Variants in COL14A1 observed in about 807,000 individuals in gnomAD.
COL14A1 encodes the protein collagen alpha-1(XIV) chain.
COL14A1 carries 136 observed loss-of-function variants against 230.3 expected under a neutral mutation model. The observed-to-expected ratio is 0.59, with a 90% CI of 0.51 to 0.68. The LOEUF is 0.68. COL14A1 is among the 30% of genes least tolerant of loss of function. COL14A1 has a pLI of 0.00. For missense variants in COL14A1, 1,976 were observed against 2,215.8 expected (o/e 0.89, Z 2.17); for synonymous variants, 792 against 784.1 (o/e 1.01, Z -0.17).
chr8:120,137,885 G>T (rs756645044), intron 1 of COL14A1, among the ~76,000 whole-genome samples: 2 of 151,660 alleles, frequency 1.3e-5, no homozygotes, highest in East Asian at 3.9e-4. Flanking sequence ...TGGGATTATG[G>T]GTGTGAGTCA....
intron 24 of COL14A1, among the ~76,000 whole-genome samples, chr8:120,265,879 A>G (rs551258968): frequency 4.2e-4 from 64 of 152,128 alleles, no homozygotes; most frequent in Non-Finnish European, 8.2e-4. Flanking sequence ...CTGACAATGA[A>G]GAAACTAAAC....
At chr8:120,269,918 TC>T in intron 25 of COL14A1, 116 bp from the exon 26 acceptor site, 1 of 1,063,810 alleles carries the variant, frequency 9.4e-7, no homozygotes. Flanking sequence ...GAAGTTTATA[TC>T]TTTCCTTTGA....
intron 42 of COL14A1, among the ~76,000 whole-genome samples, chr8:120,333,721 T>C (rs1821949589): frequency 6.6e-6 from 1 of 152,250 alleles, no homozygotes; most frequent in South Asian, 2.1e-4. Flanking sequence ...GGTGTCGGTA[T>C]TTCCTTTCTG....
intron 40 of COL14A1, among the ~76,000 whole-genome samples, chr8:120,328,881 C>T (rs557173107): frequency 1.6e-4 from 25 of 152,304 alleles, no homozygotes; most frequent in Admixed American, 9.1e-4. Flanking sequence ...CCTCTGGACA[C>T]AGCCGAGCAG....
At chr8:120,334,208 C>G (rs1821972815) in intron 42 of COL14A1, among the ~76,000 whole-genome samples, 2 of 152,156 alleles carry the variant, frequency 1.3e-5, no homozygotes, top group South Asian at 4.1e-4. Flanking sequence ...TCCTCAGAAT[C>G]CTTTTCTGGG....
chr8:120,213,901 T>C (rs948042429), intron 13 of COL14A1: 3 of 395,078 alleles, frequency 7.6e-6, no homozygotes, highest in Non-Finnish European at 1.5e-5. Context: ...CTTAATTATA[T>C]TGCTTTTTTT....
Position 120,263,349 on chromosome 8 carries a change from G to A in COL14A1, c.3016+335G>A, listed in dbSNP as rs558648137. ...GGAGTGTGAAATGCAGTTTGAGGAC[G>A]ACTTGGCTCTGACATTAAAACAATG... is the stretch of plus-strand genomic sequence containing the variant. On this transcript the variant is annotated intron_variant, in intron 24 of 47. Transcript: ENST00000297848. Among the ~76,000 whole-genome samples, 11 of 152,258 alleles carry A rather than the reference G, an allele frequency of 7.2e-5. No individual in the cohort carries two copies. The East Asian group carries it at 7.7e-4, about 11-fold the overall frequency.
At position 120,334,924 on chromosome 8, in the gene COL14A1, C is replaced by T. The variant is rs535157004; in HGVS notation, c.4785+2189C>T. On this transcript the variant is annotated intron_variant, in intron 42 of 47. Coordinates refer to ENST00000297848, the MANE Select transcript of COL14A1 (RefSeq NM_021110.4). ...GGACATGAAAGGCTTTGAGGCATCC[C>T]GAAGTGAAATTAGAAAACACCCAAA... Among the ~76,000 whole-genome samples, 28 of 152,236 alleles carry T rather than the reference C, an allele frequency of 1.8e-4. No homozygotes were observed. The South Asian group carries it at 3.1e-3, about 17-fold the overall frequency.
intron 40 of COL14A1, among the ~76,000 whole-genome samples, chr8:120,329,690 G>A (rs1290691208): frequency 6.6e-6 from 1 of 152,168 alleles, no homozygotes; most frequent in Non-Finnish European, 1.5e-5. Context: ...GTGTATGTGT[G>A]TGTGCAAAGT....
chr8:120,136,739 A>G (rs1047396892), intron 1 of COL14A1, among the ~76,000 whole-genome samples: 13 of 151,884 alleles, frequency 8.6e-5, no homozygotes, highest in African/African-American at 3.1e-4. Context: ...TGAGGTGGGC[A>G]GATCACTTGA....
At chr8:120,166,784 A>G (rs138364853) in intron 4 of COL14A1, among the ~76,000 whole-genome samples, 89 of 152,242 alleles carry the variant, frequency 5.8e-4, no homozygotes, top group African/African-American at 2.0e-3. Context: ...AGTAATAGAG[A>G]AAGAGCCCAA....
chr8:120,259,773 G>T (rs185387518), intron 23 of COL14A1, among the ~76,000 whole-genome samples: 1 of 152,112 alleles, frequency 6.6e-6, no homozygotes, highest in African/African-American at 2.4e-5. Context: ...GAGAGTCCCC[G>T]GAAGGTTTGT....
intron 34 of COL14A1, among the ~76,000 whole-genome samples, chr8:120,294,976 A>C (rs1047876768): frequency 1.3e-5 from 2 of 151,878 alleles, no homozygotes; most frequent in Non-Finnish European, 3.0e-5. Flanking sequence ...AAAGGTTTGT[A>C]ATGTAGACAT....
chr8:120,350,071 G>A (rs1369692256), intron 45 of COL14A1, among the ~76,000 whole-genome samples: 5 of 147,968 alleles, frequency 3.4e-5, no homozygotes, highest in Admixed American at 6.7e-5. Context: ...AAGAGAGTGG[G>A]GGCCAATATT....
Position 120,231,571 on chromosome 8 carries a change from A to G in COL14A1, c.2302A>G (p.Thr768Ala). The change falls in exon 19 of 48, where the codon ACC (threonine) becomes GCC (alanine). Residue 768 changes from threonine to alanine, a missense_variant. Around this residue, in one of 3 missense-constraint regions of COL14A1, gnomAD observed 1,791 missense variants for 2,019.5 expected, o/e 0.89. Coordinates refer to ENST00000297848, the MANE Select transcript of COL14A1 (RefSeq NM_021110.4). ...SDSDVQQFRV[T>A]YMTAQGDPEE... ...CAGCGATGTGCAGCAGTTTAGGGTGACCTACATGACAGCTCAAGGGGACCC... is the reference window on the plus strand; with the variant it reads ...CAGCGATGTGCAGCAGTTTAGGGTGGCCTACATGACAGCTCAAGGGGACCC... 2 of 1,614,066 alleles carry G rather than the reference A, an allele frequency of 1.2e-6. No homozygotes were observed. Among genetic ancestry groups the G allele is most frequent in the Non-Finnish European group, 1.7e-6 (2 of 1,179,994 alleles).
At chr8:120,209,733 A>T (rs759590872) in intron 11 of COL14A1, 23 bp from the exon 12 acceptor site, 1 of 1,596,262 alleles carries the variant, frequency 6.3e-7, no homozygotes, top group East Asian at 2.2e-5. Context: ...GTGGCTCAAC[A>T]TTTAAAAAAA....
rs186482902 is a variant in COL14A1, at chr8:120,267,873, G to A, written c.3073+990G>A. 4.6e-5 allele frequency among the ~76,000 whole-genome samples: 7 copies of A among 151,944 alleles called. No individual in the cohort carries two copies. In the East Asian group the frequency reaches 9.7e-4, roughly 21 times the overall value. ...TAAGAATGATAACTTTGGTGAAATAGGGAGGATGGACTAGAAGAATGAGAG... is the reference window on the plus strand; with the variant it reads ...TAAGAATGATAACTTTGGTGAAATAAGGAGGATGGACTAGAAGAATGAGAG... On this transcript the variant is annotated intron_variant, in intron 25 of 47. Coordinates refer to ENST00000297848, the MANE Select transcript of COL14A1 (RefSeq NM_021110.4).
At chr8:120,204,479 C>T (rs1223006285) in intron 9 of COL14A1, among the ~76,000 whole-genome samples, 1 of 152,162 alleles carries the variant, frequency 6.6e-6, no homozygotes, top group East Asian at 1.9e-4. Context: ...GGAGATTCAT[C>T]CAAGTCGTTG....
At chr8:120,317,513 C>G (rs894524695) in intron 40 of COL14A1, among the ~76,000 whole-genome samples, 1 of 152,190 alleles carries the variant, frequency 6.6e-6, no homozygotes, top group African/African-American at 2.4e-5. Flanking sequence ...GAAGCAGCAT[C>G]TAGAAATATT....
Sources: allele counts gnomAD v4.1 joint callset (sites outside exome capture counted in the v4.1 genomes callset), GRCh38; gene constraint gnomAD v4.1.1; regional missense constraint gnomAD v4.1.1; transcripts MANE v1.5; gene names NCBI Gene and HGNC (gene_info 2026-07-23, HGNC 2026-07-21).